Variants in CSMD1 observed in about 807,000 individuals in gnomAD.
CSMD1 encodes the protein CUB and sushi domain-containing protein 1.
Under a neutral mutation model 417.5 loss-of-function variants are expected in CSMD1, and 213 were observed. The ratio of observed to expected loss-of-function variants is 0.51; its 90% confidence interval spans 0.46 to 0.57. The LOEUF (loss-of-function observed/expected upper bound fraction) is 0.57, where lower values mean the gene tolerates loss of function less well. Among genes scored for constraint, CSMD1 ranks in the 20% least tolerant of loss-of-function variants. The pLI, the probability that CSMD1 is intolerant of heterozygous loss-of-function variation, is 0.00. For synonymous variants in CSMD1, 2,862 were observed against 1,736.8 expected (o/e 1.65, Z -16.11); for missense variants, 6,923 against 4,529.7 (o/e 1.53, Z -15.17).
At chr8:4,366,910 G>A (rs979737263) in intron 3 of CSMD1, among the ~76,000 whole-genome samples, 1 of 151,772 alleles carries the variant, frequency 6.6e-6, no homozygotes, top group Non-Finnish European at 1.5e-5. Flanking sequence ...TTCGTTTGCT[G>A]ATTTGTCTAA....
intron 3 of CSMD1, among the ~76,000 whole-genome samples, chr8:4,340,784 T>C (rs902502455): frequency 6.6e-6 from 1 of 152,126 alleles, no homozygotes; most frequent in African/African-American, 2.4e-5. Context: ...CTCATAATGG[T>C]TGCTTCTAGA....
At chr8:3,394,012 T>TTA (rs1175905929) in intron 17 of CSMD1, among the ~76,000 whole-genome samples, 392 of 31,420 alleles carry the variant, frequency 0.012, 3 homozygotes, top group Non-Finnish European at 0.018. Flanking sequence ...AAAAAATAAA[T>TTA]TATATATATA....
In CSMD1 at chr8:3,182,160, G is replaced by T. The variant is rs552607992; in HGVS notation, c.5621-946C>A. 2.0e-5 allele frequency among the ~76,000 whole-genome samples: 3 copies of T among 152,270 alleles called. No homozygotes were observed. The South Asian group carries it at 6.2e-4, about 32-fold the overall frequency. The stretch of plus-strand genomic sequence containing the variant: ...AAATAACAAAGCAAAGAAATAAGTT[G>T]ATAATTATTCCAAACAGATGAACAT... On this transcript the variant is annotated intron_variant, in intron 36 of 69. Coordinates refer to ENST00000635120, the MANE Select transcript of CSMD1 (RefSeq NM_033225.6).
chr8:3,847,482 T>G (rs1354577468), intron 5 of CSMD1, among the ~76,000 whole-genome samples: 4 of 152,096 alleles, frequency 2.6e-5, no homozygotes, highest in African/African-American at 9.7e-5. Flanking sequence ...TGCAAGGAGC[T>G]GAGTTCCGCC....
intron 3 of CSMD1, among the ~76,000 whole-genome samples, chr8:4,105,594 G>A (rs1435278218): frequency 1.3e-5 from 2 of 152,142 alleles, no homozygotes; most frequent in East Asian, 1.9e-4. Flanking sequence ...AGGTGATGAG[G>A]GCTACAGCAG....
chr8:3,950,534 C>G (rs1811531481), intron 5 of CSMD1, among the ~76,000 whole-genome samples: 1 of 152,234 alleles, frequency 6.6e-6, no homozygotes, highest in African/African-American at 2.4e-5. Flanking sequence ...GTTTTCTCAG[C>G]ATGACAGAGC....
intron 5 of CSMD1, among the ~76,000 whole-genome samples, chr8:3,835,364 T>C (rs559050308): frequency 2.6e-5 from 4 of 152,252 alleles, no homozygotes; most frequent in Non-Finnish European, 2.9e-5. Context: ...GTGGTCCATA[T>C]ACACCATGGA....
At chr8:3,219,541 G>C (rs944340966) in intron 28 of CSMD1, 99 bp from the exon 29 acceptor site, 12 of 879,252 alleles carry the variant, frequency 1.4e-5, no homozygotes, top group Non-Finnish European at 1.8e-5. Context: ...ATTTGCTTTT[G>C]TATAATGATT....
intron 2 of CSMD1, among the ~76,000 whole-genome samples, chr8:4,613,300 T>A (rs747366088): frequency 6.6e-6 from 1 of 152,162 alleles, no homozygotes; most frequent in Non-Finnish European, 1.5e-5. Flanking sequence ...CGAGTGCCCA[T>A]TGCACTAGAG....
intron 25 of CSMD1, among the ~76,000 whole-genome samples, chr8:3,294,240 G>T (rs1218033672): frequency 2.0e-5 from 3 of 152,022 alleles, no homozygotes; most frequent in African/African-American, 7.2e-5. Flanking sequence ...CCTACTGGGG[G>T]GTGCCTCCCA....
intron 2 of CSMD1, among the ~76,000 whole-genome samples, chr8:4,450,645 T>G (rs1452052202): frequency 6.6e-6 from 1 of 151,980 alleles, no homozygotes; most frequent in Non-Finnish European, 1.5e-5. Context: ...AAAAAAAAAT[T>G]TGGTACTTTG....
At chr8:4,777,211 G>C (rs1228164640) in intron 1 of CSMD1, among the ~76,000 whole-genome samples, 11 of 152,180 alleles carry the variant, frequency 7.2e-5, no homozygotes, top group Non-Finnish European at 1.6e-4. Context: ...ACCAAAGACA[G>C]CTAAACCATG....
At chr8:4,901,524 G>T (rs751899257) in intron 1 of CSMD1, among the ~76,000 whole-genome samples, 5 of 151,544 alleles carry the variant, frequency 3.3e-5, no homozygotes, top group Non-Finnish European at 5.9e-5. Flanking sequence ...AATTACCTCT[G>T]TAAGAATTCA....
intron 3 of CSMD1, among the ~76,000 whole-genome samples, chr8:4,402,274 C>G (rs555990362): frequency 3.9e-5 from 6 of 152,162 alleles, no homozygotes; most frequent in African/African-American, 1.4e-4. Context: ...ATCCAATTAT[C>G]ATTCCCCACG....
chr8:4,533,190 G>A (rs1174879885), intron 2 of CSMD1, among the ~76,000 whole-genome samples: 1 of 152,160 alleles, frequency 6.6e-6, no homozygotes, highest in Non-Finnish European at 1.5e-5. Context: ...GGTAGCATTT[G>A]TCATCGTAGT....
chr8:3,598,856 G>C (rs1215604085), intron 8 of CSMD1, among the ~76,000 whole-genome samples: 2 of 152,136 alleles, frequency 1.3e-5, no homozygotes, highest in Non-Finnish European at 2.9e-5. Flanking sequence ...GCCGACACAG[G>C]TGGATCACAA....
chr8:4,081,415 C>T (rs531974769), intron 3 of CSMD1, among the ~76,000 whole-genome samples: 2 of 152,216 alleles, frequency 1.3e-5, no homozygotes, highest in African/African-American at 2.4e-5. Flanking sequence ...TTGCAGCTTC[C>T]TCCTTTTTGC....
chr8:4,410,205 A>C (rs1419927019), intron 3 of CSMD1, among the ~76,000 whole-genome samples: 1 of 152,214 alleles, frequency 6.6e-6, no homozygotes, highest in Non-Finnish European at 1.5e-5. Context: ...ATACTGAACC[A>C]AACAGTTTAG....
chr8:3,840,893 G>C (rs1803092457), intron 5 of CSMD1, among the ~76,000 whole-genome samples: 1 of 151,802 alleles, frequency 6.6e-6, no homozygotes, highest in African/African-American at 2.4e-5. Flanking sequence ...TTTTAGTAGA[G>C]ACGAGGTTTC....
Sources: allele counts gnomAD v4.1 joint callset (sites outside exome capture counted in the v4.1 genomes callset), GRCh38; gene constraint gnomAD v4.1.1; transcripts MANE v1.5; gene names NCBI Gene and HGNC (gene_info 2026-07-23, HGNC 2026-07-21).